Variants in MECOM observed in about 807,000 individuals in gnomAD.
MECOM encodes MDS1 and EVI1 complex locus.
A neutral mutation model predicts 116.3 loss-of-function variants in MECOM; 13 were observed. The ratio of observed to expected loss-of-function variants is 0.11; its 90% CI spans 0.07 to 0.18. MECOM has a LOEUF of 0.18. Ranked by LOEUF, MECOM falls within the 10% of genes least tolerant of loss-of-function variation. MECOM has a pLI of 1.00. For missense variants in MECOM, 1,299 were observed against 1,509.0 expected (o/e 0.86, Z 2.31); for synonymous variants, 528 against 535.2 (o/e 0.99, Z 0.19).
intron 2 of MECOM, among the ~76,000 whole-genome samples, chr3:169,310,079 C>T (rs546270569): frequency 5.3e-5 from 8 of 152,314 alleles, no homozygotes; most frequent in African/African-American, 1.9e-4. Context: ...CCTTAACTCT[C>T]TGTAACTACT....
At chr3:169,224,747 G>A (rs1011544750) in intron 2 of MECOM, among the ~76,000 whole-genome samples, 3 of 152,166 alleles carry the variant, frequency 2.0e-5, no homozygotes, top group Non-Finnish European at 2.9e-5. Flanking sequence ...TTATCCACCA[G>A]GGACTGAGAA....
At chr3:169,621,478 C>A (rs553534031) in intron 1 of MECOM, among the ~76,000 whole-genome samples, 2 of 152,128 alleles carry the variant, frequency 1.3e-5, no homozygotes, top group East Asian at 3.9e-4. Context: ...ACAAGCTGGC[C>A]GGGCACGGTG....
intron 1 of MECOM, among the ~76,000 whole-genome samples, chr3:169,591,913 A>G (rs1766460553): frequency 1.3e-5 from 2 of 152,212 alleles, no homozygotes; most frequent in South Asian, 4.1e-4. Context: ...ATAATTTTCC[A>G]TAAAAAAATA....
At chr3:169,345,253 C>A (rs1308926883) in intron 2 of MECOM, among the ~76,000 whole-genome samples, 2 of 151,986 alleles carry the variant, frequency 1.3e-5, no homozygotes, top group Admixed American at 6.6e-5. Context: ...TATTGCATAA[C>A]AAATATACGA....
intron 2 of MECOM, among the ~76,000 whole-genome samples, chr3:169,151,400 T>G (rs1741149247): frequency 6.6e-6 from 1 of 152,234 alleles, no homozygotes; most frequent in South Asian, 2.1e-4. Context: ...AGGAAGGCAC[T>G]TTATAACCTC....
chr3:169,559,725 C>T (rs1479616114), intron 1 of MECOM, among the ~76,000 whole-genome samples: 1 of 152,138 alleles, frequency 6.6e-6, no homozygotes, highest in Non-Finnish European at 1.5e-5. Context: ...CCTAAGATCA[C>T]CCAAATGGAC....
At chr3:169,485,942 T>TAC (rs1211806206) in intron 1 of MECOM, among the ~76,000 whole-genome samples, 16 of 63,188 alleles carry the variant, frequency 2.5e-4, no homozygotes, top group African/African-American at 6.6e-4. Context: ...AGTATATATG[T>TAC]ATGTATATAT....
chr3:169,351,105 A>C (rs1435392542), intron 2 of MECOM, among the ~76,000 whole-genome samples: 2 of 151,874 alleles, frequency 1.3e-5, no homozygotes, highest in African/African-American at 4.8e-5. Context: ...TATTCTTTAC[A>C]ATGTTTATAT....
intron 1 of MECOM, among the ~76,000 whole-genome samples, chr3:169,519,933 A>G (rs1409091838): frequency 6.6e-6 from 1 of 152,262 alleles, no homozygotes; most frequent in East Asian, 1.9e-4. Flanking sequence ...CACATGGCCT[A>G]TGCCTGGCCA....
intron 1 of MECOM, among the ~76,000 whole-genome samples, chr3:169,385,863 G>C (rs1733236151): frequency 6.6e-6 from 1 of 152,094 alleles, no homozygotes; most frequent in East Asian, 1.9e-4. Context: ...GTAAGTATCA[G>C]GTAAGAAGTG....
chr3:169,351,622 T>C (rs1726359099), intron 2 of MECOM, among the ~76,000 whole-genome samples: 1 of 151,962 alleles, frequency 6.6e-6, no homozygotes, highest in African/African-American at 2.4e-5. Context: ...TTGTTAATAA[T>C]ATTCAAATGT....
intron 1 of MECOM, among the ~76,000 whole-genome samples, chr3:169,655,511 A>G (rs895122018): frequency 6.6e-6 from 1 of 152,166 alleles, no homozygotes; most frequent in African/African-American, 2.4e-5. Flanking sequence ...TACAATGCCA[A>G]AATCTGTGGG....
intron 1 of MECOM, among the ~76,000 whole-genome samples, chr3:169,444,527 G>A (rs1196510803): frequency 6.6e-6 from 1 of 152,052 alleles, no homozygotes; most frequent in Non-Finnish European, 1.5e-5. Context: ...CATGTAAGAA[G>A]TGCCTTTCAC....
At chr3:169,397,494 C>T (rs1735194901) in intron 1 of MECOM, among the ~76,000 whole-genome samples, 1 of 152,182 alleles carries the variant, frequency 6.6e-6, no homozygotes. Context: ...CAGTTCAATT[C>T]CTCCCACAAA....
chr3:169,483,196 ATTTTTATTT>A (rs1751604013), intron 1 of MECOM, among the ~76,000 whole-genome samples: 1 of 104,714 alleles, frequency 9.5e-6, no homozygotes, highest in Non-Finnish European at 2.0e-5. Flanking sequence ...TTTTATTTTT[ATTTTTATTT>A]TTTTTTTTTT....
intron 1 of MECOM, among the ~76,000 whole-genome samples, chr3:169,482,445 C>T (rs917560263): frequency 2.6e-5 from 4 of 151,332 alleles, no homozygotes; most frequent in Non-Finnish European, 5.9e-5. Context: ...CATTCTCCTG[C>T]CTCAGCCTCC....
chr3:169,607,399 A>G (rs1195145491), intron 1 of MECOM, among the ~76,000 whole-genome samples: 1 of 152,264 alleles, frequency 6.6e-6, no homozygotes, highest in Non-Finnish European at 1.5e-5. Context: ...TGTGTAAGAA[A>G]AAAAGTCAGA....
At chr3:169,556,689 T>A (rs546062734) in intron 1 of MECOM, among the ~76,000 whole-genome samples, 1 of 152,190 alleles carries the variant, frequency 6.6e-6, no homozygotes, top group African/African-American at 2.4e-5. Flanking sequence ...TCCACACACA[T>A]CACTCCCTTG....
chr3:169,341,526 G>A (rs1462895523), intron 2 of MECOM, among the ~76,000 whole-genome samples: 1 of 151,422 alleles, frequency 6.6e-6, no homozygotes, highest in Non-Finnish European at 1.5e-5. Context: ...AGGATCATGA[G>A]GTCAAGAAAT....
Sources: gnomAD v4.1 joint callset for allele counts (sites outside exome capture counted in the v4.1 genomes callset) on GRCh38, gnomAD v4.1.1 for gene constraint, MANE v1.5 for transcripts, NCBI Gene and HGNC (gene_info 2026-07-23, HGNC 2026-07-21) for gene names.